Variants in BLM observed in about 807,000 individuals in gnomAD.
The protein encoded by BLM is BLM RecQ like helicase.
A neutral mutation model predicts 135.3 loss-of-function variants in BLM; 95 were observed. That is an observed-to-expected ratio of 0.70 (90% CI 0.59 to 0.83). The LOEUF is 0.83. Among genes scored for constraint, BLM ranks in the 40% least tolerant of loss-of-function variants. The pLI is 0.00. For missense variants in BLM, 1,518 were observed against 1,663.9 expected (o/e 0.91, Z 1.53); for synonymous variants, 520 against 589.2 (o/e 0.88, Z 1.70).
intron 14 of BLM, among the ~76,000 whole-genome samples, chr15:90,789,040 G>GAGAT (rs1450084865): frequency 1.3e-5 from 1 of 79,614 alleles, no homozygotes; most frequent in African/African-American, 6.9e-5. Context: ...ATCTACAATG[G>GAGAT]AGATATATAT....
At chr15:90,778,889 C>CTTTTTTTTTTTTTTTTTTTTTTT (rs60733714) in intron 12 of BLM, among the ~76,000 whole-genome samples, 12 of 135,086 alleles carry the variant, frequency 8.9e-5, no homozygotes, top group East Asian at 2.2e-4. Flanking sequence ...TTAACCCTTT[C>CTTTTTTTTTTTTTTTTTTTTTTT]TTTTTTTTTT....
At chr15:90,734,239 C>T (rs1938150248) in intron 1 of BLM, among the ~76,000 whole-genome samples, 1 of 151,610 alleles carries the variant, frequency 6.6e-6, no homozygotes. Flanking sequence ...TGACAAGATT[C>T]AACACCAATA....
In BLM at chr15:90,734,696, C is replaced by CAGAGAG. The variant is rs60051515; in HGVS notation, c.-4-12661_-4-12656dup. Among the ~76,000 whole-genome samples the CAGAGAG allele has an allele frequency of 3.4e-3, 499 of 146,196 alleles. 1 individual carries two copies. The highest frequency in any genetic ancestry group is 6.9e-3 in the South Asian group (31 of 4,504). ...GCACGCACACACACACACACACACG[C>CAGAGAG]AGAGAGAGAGAGAGAGAGAGAGAGA... is the stretch of plus-strand genomic sequence containing the variant. On this transcript the variant is annotated intron_variant, in intron 1 of 21. Transcript: ENST00000355112.
chr15:90,779,845 G>A (rs572115709), intron 12 of BLM, among the ~76,000 whole-genome samples: 48 of 152,126 alleles, frequency 3.2e-4, no homozygotes, highest in African/African-American at 5.5e-4. Flanking sequence ...GTAAAACACC[G>A]AAAGATATGA....
At chr15:90,759,008 G>A (rs980099156) in intron 5 of BLM, among the ~76,000 whole-genome samples, 2 of 152,174 alleles carry the variant, frequency 1.3e-5, no homozygotes, top group Non-Finnish European at 1.5e-5. Flanking sequence ...TTGGCACAGT[G>A]AGCTTTGCAC....
intron 12 of BLM, among the ~76,000 whole-genome samples, chr15:90,773,095 CAAAAAAAAA>C (rs780966709): frequency 4.6e-5 from 2 of 43,438 alleles, no homozygotes; most frequent in Non-Finnish European, 8.3e-5. Context: ...GAGACTGTCT[CAAAAAAAAA>C]AAAAAAAAAA....
intron 14 of BLM, among the ~76,000 whole-genome samples, chr15:90,787,486 C>T (rs1896782702): frequency 1.3e-5 from 2 of 152,140 alleles, no homozygotes; most frequent in South Asian, 4.1e-4. Context: ...AAAGTATTTA[C>T]TTTGAAGATT....
chr15:90,793,200 A>G (rs1179806003), intron 15 of BLM, among the ~76,000 whole-genome samples: 2 of 149,552 alleles, frequency 1.3e-5, no homozygotes, highest in Non-Finnish European at 3.0e-5. Flanking sequence ...TGATGGCACG[A>G]TCTCAGCTCA....
chr15:90,783,772 T>A (rs1188398316), intron 13 of BLM, among the ~76,000 whole-genome samples: 2 of 152,172 alleles, frequency 1.3e-5, no homozygotes, highest in Non-Finnish European at 2.9e-5. Context: ...GCACCTGTAA[T>A]TCCAGCTATT....
intron 1 of BLM, among the ~76,000 whole-genome samples, chr15:90,726,362 G>A (rs80191714): frequency 6.6e-6 from 1 of 152,132 alleles, no homozygotes; most frequent in Non-Finnish European, 1.5e-5. Context: ...TCTGCCTCCT[G>A]GGTTCAAGCA....
In BLM at chr15:90,803,671, A is replaced by C. The variant is rs746692894; in HGVS notation, c.3509A>C (p.Tyr1170Ser). The C allele has an allele frequency of 2.5e-6, 4 of 1,614,090 alleles. No homozygotes were observed. In the Admixed American group the frequency reaches 6.7e-5, roughly 27 times the overall value. Residue 1170 changes from tyrosine to serine, a missense_variant, in exon 18 of 22, where the codon TAT becomes TCT. By Grantham distance (144) the Tyr-to-Ser change is moderately radical. Transcript: ENST00000355112. ...YINANDQAIA[Y>S]VMLGNKAQTV... ...AATGCCAATGACCAGGCGATCGCTT[A>C]TGTGATGCTCGGAAATAAAGCCCAA...
At chr15:90,780,757 C>T (rs1019028938) in intron 12 of BLM, among the ~76,000 whole-genome samples, 1 of 152,168 alleles carries the variant, frequency 6.6e-6, no homozygotes, top group Non-Finnish European at 1.5e-5. Flanking sequence ...TATCCTCCCG[C>T]CAGGACAGAA....
At position 90,769,221 on chromosome 15, in the gene BLM, G is replaced by A; in HGVS notation, c.2396G>A (p.Cys799Tyr). 6.2e-7 allele frequency: 1 copy of A among 1,609,338 alleles called. No homozygotes were observed. Among genetic ancestry groups the A allele is most frequent in the Non-Finnish European group, 8.5e-7 (1 of 1,175,624 alleles). Residue 799 changes from cysteine (C) to tyrosine (Y), a missense_variant, in exon 11 of 22, where the codon TGT becomes TAT. Cys to Tyr is a radical substitution (Grantham distance 194). Coordinates refer to ENST00000355112, the MANE Select transcript of BLM (RefSeq NM_000057.4). ...LARFVIDEAH[C>Y]VSQWGHDFRQ... ...CGTTTTGTTATTGATGAAGCACATT[G>A]TGTCAGTCAGGTAAATACTGTTTTT...
rs370062646 is a variant in BLM at position 90,749,520 on chromosome 15, A to G, written c.252A>G (p.Gln84=). Residue 84 remains glutamine, a synonymous_variant, in exon 3 of 22, where the codon CAA becomes CAG. Transcript: ENST00000355112. Reference sequence around the variant, plus strand: ...CTCTACCCAACACCACAAATCAGCAAAGGGTCAAGGACTTCTTTAAAAATG... The same window carrying G: ...CTCTACCCAACACCACAAATCAGCAGAGGGTCAAGGACTTCTTTAAAAATG... The part of the protein sequence containing the change: ...SEPLPNTTNQ[Q]RVKDFFKNAP... 14 of 1,614,178 alleles carry G rather than the reference A, an allele frequency of 8.7e-6. No homozygotes were observed. Among genetic ancestry groups the G allele is most frequent in the Non-Finnish European group, 1.2e-5 (14 of 1,180,032 alleles).
intron 1 of BLM, among the ~76,000 whole-genome samples, chr15:90,729,251 A>G (rs1309995267): frequency 6.6e-6 from 1 of 152,154 alleles, no homozygotes; most frequent in Non-Finnish European, 1.5e-5. Context: ...CAGAGGTTGC[A>G]GTTTGCCGAG....
chr15:90,752,167 T>C (rs1280117604), intron 4 of BLM, among the ~76,000 whole-genome samples: 1 of 151,926 alleles, frequency 6.6e-6, no homozygotes, highest in Non-Finnish European at 1.5e-5. Flanking sequence ...CTTCAAACAA[T>C]TTTAGGTAGC....
At position 90,815,697 on chromosome 15, in the gene BLM, A is replaced by G. The variant is rs1241574982; in HGVS notation, c.*418A>G. 5 of 230,156 alleles carry G rather than the reference A, an allele frequency of 2.2e-5. No homozygotes were observed. The highest frequency in any genetic ancestry group is 4.3e-5 in the Non-Finnish European group (5 of 116,182). The allele number at this position is 230,156 out of a possible 1,614,324, so 14.3% of individuals were successfully genotyped here. A position where few individuals can be genotyped will look rare whatever the true frequency, so the allele number is the denominator to read the frequency against. ...AATATATTACAAAGGATTAGTATCC[A>G]TCATACCAAATACCCGTGAACCAGT... On this transcript the variant is annotated 3_prime_UTR_variant, in exon 22 of 22. Transcript: ENST00000355112. The surrounding 1 kb of genome is among the most constrained non-coding windows in gnomAD (Gnocchi z 4.6).
chr15:90,790,268 T>G, intron 14 of BLM: 1 of 308,394 alleles, frequency 3.2e-6, no homozygotes, highest in South Asian at 3.1e-5. Flanking sequence ...ACGTTGCTTG[T>G]GATCACTGAC....
intron 1 of BLM, among the ~76,000 whole-genome samples, chr15:90,731,378 T>C (rs973831596): frequency 1.3e-5 from 2 of 152,250 alleles, no homozygotes; most frequent in Non-Finnish European, 2.9e-5. Context: ...ATCAGAGTTA[T>C]GCTAGCCTCA....
Sources: gnomAD v4.1 joint callset for allele counts (sites outside exome capture counted in the v4.1 genomes callset) on GRCh38, gnomAD v4.1.1 for gene constraint, Gnocchi (gnomAD v3.1) non-coding constraint, MANE v1.5 for transcripts, NCBI Gene and HGNC (gene_info 2026-07-23, HGNC 2026-07-21) for gene names.